The following HNRNPUL1 variants were observed in gnomAD, a reference collection of about 807,000 sequenced individuals.
HNRNPUL1 encodes heterogeneous nuclear ribonucleoprotein U like 1.
In HNRNPUL1, 14 loss-of-function variants were observed where a neutral mutation model predicts 108.5. That is an observed-to-expected ratio of 0.13 (90% CI 0.09 to 0.20). HNRNPUL1 has a LOEUF of 0.20. Among genes scored for constraint, HNRNPUL1 ranks in the 10% least tolerant of loss-of-function variants. The pLI, the probability that HNRNPUL1 is intolerant of heterozygous loss-of-function variation, is 1.00. For synonymous variants in HNRNPUL1, 422 were observed against 445.2 expected, an observed-to-expected ratio of 0.95 and a Z score of 0.66; for missense variants, 804 against 1,168.3, an observed-to-expected ratio of 0.69 and a Z score of 4.55.
intron 10 of HNRNPUL1, among the ~76,000 whole-genome samples, chr19:41,299,583 A>G (rs755787861): frequency 4.6e-5 from 7 of 152,190 alleles, no homozygotes; most frequent in Admixed American, 1.3e-4. Flanking sequence ...CTCCTTTGGC[A>G]CTAGCCAGAG....
intron 6 of HNRNPUL1, among the ~76,000 whole-genome samples, chr19:41,280,581 C>T (rs1294465592): frequency 1.3e-5 from 2 of 152,140 alleles, no homozygotes; most frequent in African/African-American, 4.8e-5. Flanking sequence ...AGAACGAGCC[C>T]TGGCATTCAT....
chr19:41,291,868 C>CCG, intron 7 of HNRNPUL1: 1 of 206,182 alleles, frequency 4.9e-6, no homozygotes, highest in Admixed American at 5.3e-5. Context: ...GTAGTCCCAG[C>CCG]TACTCAGGAG....
chr19:41,303,359 T>C (rs2037352688), intron 12 of HNRNPUL1, among the ~76,000 whole-genome samples: 1 of 151,052 alleles, frequency 6.6e-6, no homozygotes, highest in Non-Finnish European at 1.5e-5. Context: ...CATTTTTTTT[T>C]TTTTTTTTTT....
At chr19:41,303,109 C>T (rs562568589) in intron 12 of HNRNPUL1, among the ~76,000 whole-genome samples, 160 bp downstream of exon 12, 223 of 152,288 alleles carry the variant, frequency 1.5e-3, no homozygotes, top group African/African-American at 5.1e-3. Flanking sequence ...ACCTCAGAAA[C>T]GCTCCCACTT....
intron 12 of HNRNPUL1, 57 bp from the exon 13 acceptor site, chr19:41,303,915 C>G: frequency 2.6e-6 from 4 of 1,563,298 alleles, no homozygotes; most frequent in Non-Finnish European, 3.5e-6. Flanking sequence ...CAACCCAGTT[C>G]CCTGGGGTTG....
chr19:41,307,740 T>C lies in HNRNPUL1; in HGVS notation c.*1175T>C, dbSNP rs2037617139. 6.6e-6 allele frequency: 1 copy of C among 152,594 alleles called. No homozygotes were observed. The highest frequency in any genetic ancestry group is 2.4e-5 in the African/African-American group (1 of 41,426). The allele number at this position is 152,594 out of a possible 1,614,324, so 9.5% of individuals were successfully genotyped here. On this transcript the variant is annotated 3_prime_UTR_variant, in exon 15 of 15. Coordinates refer to ENST00000392006, the MANE Select transcript of HNRNPUL1 (RefSeq NM_007040.6). ...GGCCGTTAATTGGGGTGGGGGCCTC[T>C]TTAAAGGGAAATTATTTACTCATTC...
At position 41,264,403 on chromosome 19, in the gene HNRNPUL1, C is replaced by A. The variant is rs1312941006; in HGVS notation, c.-101C>A. On this transcript the variant is annotated 5_prime_UTR_variant, in exon 1 of 15. Coordinates refer to ENST00000392006, the MANE Select transcript of HNRNPUL1 (RefSeq NM_007040.6). ...AGCCGCTGCCGCCATTGGAGTGGGC[C>A]CCCCCCCTTTCCCCCTTCGCCTCCT... 3 of 1,046,376 alleles carry A rather than the reference C, an allele frequency of 2.9e-6. No individual in the cohort carries two copies. The highest frequency in any genetic ancestry group is 3.3e-5 in the African/African-American group (2 of 60,070). 64.8% of individuals were successfully genotyped at this position (1,046,376 alleles called of 1,614,324 possible).
chr19:41,295,879 T>G (rs1168437978), intron 10 of HNRNPUL1, among the ~76,000 whole-genome samples: 2 of 152,198 alleles, frequency 1.3e-5, no homozygotes, highest in Non-Finnish European at 2.9e-5. Flanking sequence ...GAGCACAGGA[T>G]AGTCTAAAAG....
At chr19:41,298,535 C>T (rs1445049948) in intron 10 of HNRNPUL1, 1 of 152,272 alleles carries the variant, frequency 6.6e-6, no homozygotes, top group Non-Finnish European at 1.5e-5. Context: ...ATTCCCTTTC[C>T]TCCAGGAAAG....
chr19:41,304,947 G>GCCCCAAAC (rs1331199117), intron 13 of HNRNPUL1, among the ~76,000 whole-genome samples: 1 of 152,148 alleles, frequency 6.6e-6, no homozygotes, highest in Non-Finnish European at 1.5e-5. Flanking sequence ...CAAACCCCCA[G>GCCCCAAAC]CCCCACAACA....
rs556229297 is a variant in HNRNPUL1 at position 41,302,915 on chromosome 19, G to A, written c.1938G>A (p.Gly646=). Residue 646 remains glycine, a synonymous_variant, in exon 12 of 15, where the codon GGG becomes GGA. Coordinates refer to ENST00000392006, the MANE Select transcript of HNRNPUL1 (RefSeq NM_007040.6). ...GGNRGGFQNR[G]GGSGGGGNYR... is the part of the protein sequence containing the mutation. Reference sequence around the variant, plus strand: ...ACCGTGGCGGCTTCCAGAACCGAGGGGGAGGCAGCGGTGGAGGAGGCAACT... The same window carrying A: ...ACCGTGGCGGCTTCCAGAACCGAGGAGGAGGCAGCGGTGGAGGAGGCAACT... 7 of 1,531,512 alleles carry A rather than the reference G, an allele frequency of 4.6e-6. No individual in the cohort carries two copies. The East Asian group carries it at 1.1e-4, about 25-fold the overall frequency. The allele number at this position is 1,531,512 out of a possible 1,614,324, so 94.9% of individuals were successfully genotyped here.
At chr19:41,283,563 C>G (rs2036032559) in intron 7 of HNRNPUL1, among the ~76,000 whole-genome samples, 1 of 152,208 alleles carries the variant, frequency 6.6e-6, no homozygotes, top group African/African-American at 2.4e-5. Flanking sequence ...TCAAGTGATT[C>G]TCCTGCCTCA....
chr19:41,271,035 G>A (rs1275169765), intron 2 of HNRNPUL1, among the ~76,000 whole-genome samples: 4 of 152,184 alleles, frequency 2.6e-5, no homozygotes, highest in African/African-American at 9.7e-5. Flanking sequence ...TATTTGGAAA[G>A]CAGGGTCCCA....
At chr19:41,287,009 C>T (rs573551295) in intron 7 of HNRNPUL1, among the ~76,000 whole-genome samples, 98 of 151,764 alleles carry the variant, frequency 6.5e-4, no homozygotes, top group African/African-American at 2.0e-3. Flanking sequence ...TGAGCCACCG[C>T]GCCCAGTCGG....
chr19:41,265,790 G>A (rs1057377813), intron 1 of HNRNPUL1, among the ~76,000 whole-genome samples: 3 of 152,032 alleles, frequency 2.0e-5, no homozygotes, highest in Non-Finnish European at 4.4e-5. Flanking sequence ...GATGAAATAT[G>A]TGGCGGGAGA....
At chr19:41,283,376 G>A (rs571641666) in intron 7 of HNRNPUL1, among the ~76,000 whole-genome samples, 2 of 152,228 alleles carry the variant, frequency 1.3e-5, no homozygotes, top group African/African-American at 4.8e-5. Context: ...CGCCTCCGGG[G>A]TTCAAGTGAT....
At chr19:41,266,087 G>C (rs1205940620) in intron 1 of HNRNPUL1, among the ~76,000 whole-genome samples, 1 of 152,146 alleles carries the variant, frequency 6.6e-6, no homozygotes, top group East Asian at 1.9e-4. Flanking sequence ...ACCTGCGGTT[G>C]TCTGAGGAGA....
At chr19:41,283,212 ACT>A (rs746437616) in intron 7 of HNRNPUL1, among the ~76,000 whole-genome samples, 3 of 152,198 alleles carry the variant, frequency 2.0e-5, no homozygotes, top group Non-Finnish European at 4.4e-5. Flanking sequence ...GTGCACACAG[ACT>A]CTACATGGTA....
rs1033878640 is a variant in HNRNPUL1 at position 41,292,975 on chromosome 19, G to C, written c.1266+464G>C. On this transcript the variant is annotated intron_variant, in intron 8 of 14. Transcript: ENST00000392006. The surrounding 1 kb of genome is among the most constrained non-coding windows in gnomAD (Gnocchi z 4.1). Reference sequence around the variant, plus strand: ...TCCTCCCACCTCAGCTTCTCGAGTAGCTGGGACCACAGGTACATGCCACCA... The same window carrying C: ...TCCTCCCACCTCAGCTTCTCGAGTACCTGGGACCACAGGTACATGCCACCA... Among the ~76,000 whole-genome samples, 2 of 152,004 alleles carry C rather than the reference G, an allele frequency of 1.3e-5. No homozygotes were observed. Among genetic ancestry groups the C allele is most frequent in the East Asian group, 3.9e-4 (2 of 5,178 alleles).
Sources: allele counts gnomAD v4.1 joint callset (sites outside exome capture counted in the v4.1 genomes callset), GRCh38; gene constraint gnomAD v4.1.1; non-coding constraint Gnocchi (gnomAD v3.1); transcripts MANE v1.5; gene names NCBI Gene and HGNC (gene_info 2026-07-23, HGNC 2026-07-21).